Variants in FANCC observed in about 807,000 individuals in gnomAD.
FANCC encodes Fanconi anemia group C protein.
FANCC carries 55 observed loss-of-function variants against 71.3 expected under a neutral mutation model. The ratio of observed to expected loss-of-function variants is 0.77; its 90% CI spans 0.62 to 0.97. The LOEUF (loss-of-function observed/expected upper bound fraction) is 0.97, where lower values mean the gene tolerates loss of function less well. Ranked by LOEUF, FANCC falls within the 50% of genes least tolerant of loss-of-function variation. FANCC has a pLI of 0.00. For missense variants in FANCC, 678 were observed against 670.9 expected, an observed-to-expected ratio of 1.01 and a Z score of -0.12; for synonymous variants, 275 against 244.9, an observed-to-expected ratio of 1.12 and a Z score of -1.15.
At position 95,282,766 on chromosome 9, in the gene FANCC, T is replaced by C. The variant is rs541436230; in HGVS notation, c.-78-33397A>G. Among the ~76,000 whole-genome samples, 5 of 152,172 alleles carry C rather than the reference T, an allele frequency of 3.3e-5. No individual in the cohort carries two copies. The South Asian group carries it at 1.0e-3, about 32-fold the overall frequency. The stretch of plus-strand genomic sequence containing the variant: ...GACCACAATGGTATAAAACTAGACA[T>C]CAATAAAAGGGGAAACCTTGAAAAC... On this transcript the variant is annotated intron_variant, in intron 1 of 14. Coordinates refer to ENST00000289081, the MANE Select transcript of FANCC (RefSeq NM_000136.3).
intron 1 of FANCC, among the ~76,000 whole-genome samples, chr9:95,253,805 T>TG (rs201927483): frequency 3.2e-5 from 4 of 124,630 alleles, no homozygotes; most frequent in African/African-American, 9.0e-5. Context: ...GGGGCAGGGA[T>TG]GGGGGGGATG....
chr9:95,125,101 C>T lies in FANCC; in HGVS notation c.981G>A (p.Glu327=), dbSNP rs2134922117. The part of the protein sequence containing the change: ...VFTQCFVEAL[E]KASKQLRFAL... Reference sequence around the variant, plus strand: ...TATAACAAACCTGCTTGCTTGCTTTCTCCAGAGCTTCTACAAAGCACTGCG... The same window carrying T: ...TATAACAAACCTGCTTGCTTGCTTTTTCCAGAGCTTCTACAAAGCACTGCG... Residue 327 remains glutamate, a synonymous_variant, in exon 10 of 15, where the codon GAG becomes GAA. Coordinates refer to ENST00000289081, the MANE Select transcript of FANCC (RefSeq NM_000136.3). 1 of 1,614,090 alleles carries T rather than the reference C, an allele frequency of 6.2e-7. No homozygotes were observed. Among genetic ancestry groups the T allele is most frequent in the Non-Finnish European group, 8.5e-7 (1 of 1,179,942 alleles).
chr9:95,161,405 C>T (rs1025538688), intron 6 of FANCC, among the ~76,000 whole-genome samples: 8 of 152,146 alleles, frequency 5.3e-5, no homozygotes, highest in African/African-American at 1.9e-4. Context: ...TTGATCTTCC[C>T]ATAATTATTG....
intron 1 of FANCC, chr9:95,293,141 C>T: frequency 6.2e-7 from 1 of 1,613,108 alleles, no homozygotes; most frequent in Non-Finnish European, 8.5e-7. Flanking sequence ...CTAGAACCAT[C>T]TTTTGAAGAC....
At chr9:95,291,204 A>G (rs1335697001) in intron 1 of FANCC, among the ~76,000 whole-genome samples, 1 of 152,218 alleles carries the variant, frequency 6.6e-6, no homozygotes, top group Non-Finnish European at 1.5e-5. Context: ...TATCCAACAC[A>G]GCACTGGAAA....
intron 12 of FANCC, chr9:95,114,281 C>T (rs530442218): frequency 9.1e-5 from 33 of 361,080 alleles, no homozygotes; most frequent in African/African-American, 2.7e-4. Flanking sequence ...CCCTTCTGTG[C>T]GGCCAGGGAG....
intron 10 of FANCC, among the ~76,000 whole-genome samples, chr9:95,118,278 C>CA (rs2072590833): frequency 6.6e-6 from 1 of 152,228 alleles, no homozygotes; most frequent in African/African-American, 2.4e-5. Context: ...CTCGGCCTCC[C>CA]AAAGTGCTGG....
At chr9:95,296,673 A>C (rs576748068) in intron 1 of FANCC, among the ~76,000 whole-genome samples, 1 of 152,354 alleles carries the variant, frequency 6.6e-6, no homozygotes, top group African/African-American at 2.4e-5. Context: ...CAGTTAGCCA[A>C]ACAAACACAG....
rs1177120884 is a variant in FANCC, at chr9:95,290,641, C to T, written c.-79+26885G>A. On this transcript the variant is annotated intron_variant, in intron 1 of 14. Coordinates refer to ENST00000289081, the MANE Select transcript of FANCC (RefSeq NM_000136.3). The stretch of plus-strand genomic sequence containing the variant: ...CTGGAAAATGGGACAAAACACACTC[C>T]TCTGAAGTAAAATACACAGTAAAAC... Among the ~76,000 whole-genome samples the T allele has an allele frequency of 2.0e-5, 3 of 152,132 alleles. No individual in the cohort carries two copies. In the South Asian group the frequency reaches 6.2e-4, roughly 32 times the overall value.
At chr9:95,226,801 T>C (rs1829647797) in intron 4 of FANCC, among the ~76,000 whole-genome samples, 2 of 152,144 alleles carry the variant, frequency 1.3e-5, no homozygotes, top group African/African-American at 4.8e-5. Context: ...GTGAAGGATG[T>C]TGTGATTTGA....
chr9:95,248,202 A>T (rs1452542530), intron 2 of FANCC, among the ~76,000 whole-genome samples: 1 of 152,222 alleles, frequency 6.6e-6, no homozygotes, highest in Non-Finnish European at 1.5e-5. Flanking sequence ...ACCTTTCATA[A>T]AATTTCAAAA....
chr9:95,106,479 T>C (rs2071452986), intron 14 of FANCC, among the ~76,000 whole-genome samples: 1 of 152,206 alleles, frequency 6.6e-6, no homozygotes, highest in Admixed American at 6.5e-5. Flanking sequence ...TAAAGTCCAA[T>C]TTATCTATTG....
intron 8 of FANCC, among the ~76,000 whole-genome samples, chr9:95,134,363 C>T (rs634851): frequency 0.12 from 18,264 of 152,206 alleles, 1,416 homozygotes; most frequent in South Asian, 0.2. Flanking sequence ...CAGCCAACCT[C>T]AGGGACTTCC....
At chr9:95,207,608 T>G (rs945322011) in intron 4 of FANCC, among the ~76,000 whole-genome samples, 2 of 152,104 alleles carry the variant, frequency 1.3e-5, no homozygotes, top group Non-Finnish European at 2.9e-5. Flanking sequence ...AGACTGATGC[T>G]CCCTAGAACT....
At chr9:95,112,086 G>A (rs937764372) in intron 12 of FANCC, among the ~76,000 whole-genome samples, 3 of 152,220 alleles carry the variant, frequency 2.0e-5, no homozygotes, top group Admixed American at 2.0e-4. Flanking sequence ...CAGCAACTAC[G>A]AATTTTTAAT....
chr9:95,299,214 C>T (rs892585643), intron 1 of FANCC, among the ~76,000 whole-genome samples: 9 of 152,188 alleles, frequency 5.9e-5, no homozygotes, highest in African/African-American at 1.7e-4. Flanking sequence ...GAACTTTTAA[C>T]TGCACAATAT....
chr9:95,261,666 T>C (rs1449421259), intron 1 of FANCC, among the ~76,000 whole-genome samples: 1 of 152,186 alleles, frequency 6.6e-6, no homozygotes, highest in Non-Finnish European at 1.5e-5. Flanking sequence ...GTATGCAGAC[T>C]AAAAACAACA....
At chr9:95,240,805 T>C (rs985290113) in intron 3 of FANCC, 62 bp from the exon 4 acceptor site, 2 of 932,926 alleles carry the variant, frequency 2.1e-6, no homozygotes, top group Non-Finnish European at 1.8e-6. Context: ...ATAAAAACAC[T>C]GTAAACATTA....
At chr9:95,146,487 CAA>C (rs61093923) in intron 7 of FANCC, among the ~76,000 whole-genome samples, 4 of 45,572 alleles carry the variant, frequency 8.8e-5, no homozygotes, top group African/African-American at 1.0e-4. Context: ...GACCCCATCT[CAA>C]AAAAAAAAAA....
Sources: allele counts gnomAD v4.1 joint callset (sites outside exome capture counted in the v4.1 genomes callset), GRCh38; gene constraint gnomAD v4.1.1; transcripts MANE v1.5; gene names NCBI Gene and HGNC (gene_info 2026-07-23, HGNC 2026-07-21).